The following EXOC4 variants were observed in gnomAD, a reference collection of about 807,000 sequenced individuals.
EXOC4 encodes exocyst complex component 4.
EXOC4 carries 71 observed loss-of-function variants against 107.2 expected under a neutral mutation model. That is an observed-to-expected ratio of 0.66 (90% CI 0.55 to 0.81). The LOEUF is 0.81. Among genes scored for constraint, EXOC4 ranks in the 30% least tolerant of loss-of-function variants. The pLI is 0.00. For missense variants in EXOC4, 1,108 were observed against 1,189.6 expected (o/e 0.93, Z 1.01); for synonymous variants, 456 against 441.2 (o/e 1.03, Z -0.42).
intron 6 of EXOC4, among the ~76,000 whole-genome samples, chr7:133,367,192 C>G (rs1796266602): frequency 6.6e-6 from 1 of 152,012 alleles, no homozygotes; most frequent in South Asian, 2.1e-4. Context: ...GAGTTGATAG[C>G]AGGTAGATAA....
At chr7:133,554,781 A>T (rs577875032) in intron 9 of EXOC4, among the ~76,000 whole-genome samples, 1 of 152,312 alleles carries the variant, frequency 6.6e-6, no homozygotes, top group African/African-American at 2.4e-5. Context: ...TTATACATTT[A>T]TGTCTCCAAC....
chr7:133,489,781 A>C (rs2150872920), intron 9 of EXOC4, among the ~76,000 whole-genome samples: 1 of 152,334 alleles, frequency 6.6e-6, no homozygotes, highest in African/African-American at 2.4e-5. Context: ...GGCCAAAAGA[A>C]AAGAAAGGGA....
At chr7:133,854,074 G>A (rs1348584634) in intron 11 of EXOC4, among the ~76,000 whole-genome samples, 2 of 152,174 alleles carry the variant, frequency 1.3e-5, no homozygotes, top group Non-Finnish European at 2.9e-5. Context: ...GGAACTGGCA[G>A]GCACCTGCCT....
chr7:133,904,591 C>T (rs1799527190), intron 12 of EXOC4, among the ~76,000 whole-genome samples: 1 of 152,132 alleles, frequency 6.6e-6, no homozygotes. Context: ...CCTGTTGGTG[C>T]CCACTGTCAC....
At chr7:133,457,937 T>A (rs978119091) in intron 7 of EXOC4, among the ~76,000 whole-genome samples, 15 of 152,196 alleles carry the variant, frequency 9.9e-5, no homozygotes, top group African/African-American at 3.6e-4. Context: ...TGTTGGTACT[T>A]GAATTTAGCA....
intron 9 of EXOC4, among the ~76,000 whole-genome samples, chr7:133,506,584 T>C (rs1455599827): frequency 2.0e-5 from 3 of 152,166 alleles, no homozygotes; most frequent in African/African-American, 7.2e-5. Flanking sequence ...TCCTTTAATA[T>C]AGAAGATGAA....
intron 10 of EXOC4, among the ~76,000 whole-genome samples, chr7:133,785,662 C>T (rs1292284567): frequency 1.5e-5 from 2 of 137,906 alleles, no homozygotes; most frequent in African/African-American, 5.4e-5. Flanking sequence ...GAAATGGGCA[C>T]ATGTTTTGTT....
intron 9 of EXOC4, among the ~76,000 whole-genome samples, chr7:133,599,631 C>A (rs1167971788): frequency 6.6e-6 from 1 of 152,136 alleles, no homozygotes; most frequent in Non-Finnish European, 1.5e-5. Context: ...CTAGATGGAC[C>A]TTTTCTGGAC....
At chr7:133,762,860 A>G (rs1269696552) in intron 10 of EXOC4, among the ~76,000 whole-genome samples, 1 of 152,094 alleles carries the variant, frequency 6.6e-6, no homozygotes, top group Non-Finnish European at 1.5e-5. Context: ...ATACACCAAG[A>G]CATTGATAAT....
chr7:133,808,662 C>T (rs1005196920), intron 10 of EXOC4, among the ~76,000 whole-genome samples: 5 of 152,114 alleles, frequency 3.3e-5, no homozygotes, highest in Admixed American at 6.6e-5. Context: ...GGGTTTGATT[C>T]CCAAAGCCCA....
At chr7:133,626,907 A>C (rs1386271172) in intron 9 of EXOC4, among the ~76,000 whole-genome samples, 1 of 152,188 alleles carries the variant, frequency 6.6e-6, no homozygotes, top group East Asian at 1.9e-4. Flanking sequence ...TACCTGTATT[A>C]GTTTTTGACA....
At chr7:133,459,434 GTTAAAA>G (rs780092324) in intron 7 of EXOC4, among the ~76,000 whole-genome samples, 2 of 152,172 alleles carry the variant, frequency 1.3e-5, no homozygotes, top group Non-Finnish European at 2.9e-5. Context: ...CTTTTTGAGA[GTTAAAA>G]TTAAAAGATG....
intron 5 of EXOC4, among the ~76,000 whole-genome samples, chr7:133,334,430 A>G (rs986977272): frequency 1.3e-5 from 2 of 152,166 alleles, no homozygotes; most frequent in Non-Finnish European, 1.5e-5. Flanking sequence ...GTTTCACTCT[A>G]CAATATATCC....
At chr7:133,961,612 C>T (rs1355066496) in intron 14 of EXOC4, among the ~76,000 whole-genome samples, 1 of 152,138 alleles carries the variant, frequency 6.6e-6, no homozygotes, top group Non-Finnish European at 1.5e-5. Flanking sequence ...TTCTAATCTC[C>T]AGAATTGTAA....
chr7:134,027,656 CAA>C (rs11408269), intron 17 of EXOC4, among the ~76,000 whole-genome samples: 6 of 124,772 alleles, frequency 4.8e-5, no homozygotes, highest in Non-Finnish European at 3.2e-5. Context: ...GACTCCATCT[CAA>C]AAAAAAAAAA....
chr7:133,889,061 A>G (rs1799148740), intron 11 of EXOC4, among the ~76,000 whole-genome samples: 1 of 152,226 alleles, frequency 6.6e-6, no homozygotes, highest in South Asian at 2.1e-4. Context: ...ACACAATACA[A>G]ATGTTAGTTG....
At chr7:134,089,879 G>A in the EXOC4 span, among the ~76,000 whole-genome samples, 2 of 152,054 alleles carry the variant, frequency 1.3e-5, no homozygotes, top group African/African-American at 4.8e-5. Flanking sequence ...AGAATCTAAT[G>A]CTTCAAAGTA....
At chr7:133,264,714 C>CT (rs1234230558) in intron 1 of EXOC4, among the ~76,000 whole-genome samples, 4 of 151,914 alleles carry the variant, frequency 2.6e-5, no homozygotes, top group Non-Finnish European at 5.9e-5. Flanking sequence ...AGGGTCTCTT[C>CT]TTTTCATAAT....
rs1418923990 is a variant in EXOC4, at chr7:133,625,688, G to A, written c.1418-4357G>A. On this transcript the variant is annotated intron_variant, in intron 9 of 17. Coordinates refer to ENST00000253861, the MANE Select transcript of EXOC4 (RefSeq NM_021807.4). ...TTGTCATTCCAGCAGTTATCAGGTG[G>A]CCTTGGTGCCTGTTGCCAGCTGCCT... 2.0e-5 allele frequency among the ~76,000 whole-genome samples: 3 copies of A among 152,164 alleles called. No homozygotes were observed. The East Asian group carries it at 5.8e-4, about 29-fold the overall frequency.
Sources: gnomAD v4.1 joint callset for allele counts (sites outside exome capture counted in the v4.1 genomes callset) on GRCh38, gnomAD v4.1.1 for gene constraint, MANE v1.5 for transcripts, NCBI Gene and HGNC (gene_info 2026-07-23, HGNC 2026-07-21) for gene names.